Variants in SCARB2 observed in about 807,000 individuals in gnomAD.
The protein encoded by SCARB2 is scavenger receptor class B member 2.
SCARB2 carries 29 observed loss-of-function variants against 58.6 expected under a neutral mutation model. That is an observed-to-expected ratio of 0.49 (90% CI 0.37 to 0.67). The LOEUF (loss-of-function observed/expected upper bound fraction) is 0.67, where lower values mean the gene tolerates loss of function less well. Ranked by LOEUF, SCARB2 falls within the 30% of genes least tolerant of loss-of-function variation. The pLI is 0.00. For missense variants in SCARB2, 488 were observed against 578.5 expected (o/e 0.84, Z 1.60); for synonymous variants, 195 against 210.1 (o/e 0.93, Z 0.62).
intron 5 of SCARB2, 141 bp from the exon 6 acceptor site, chr4:76,176,051 T>C (rs1732245794): frequency 1.4e-5 from 15 of 1,069,320 alleles, no homozygotes; most frequent in Non-Finnish European, 2.0e-5. Context: ...CAGTTTTAAT[T>C]AGATCAAGGG....
intron 10 of SCARB2, chr4:76,163,604 T>C (rs1448878817): frequency 1.4e-5 from 8 of 590,508 alleles, no homozygotes; most frequent in African/African-American, 1.9e-5. Flanking sequence ...TAAAATAGAT[T>C]GGAAAAAGGA....
rs756823033 is a variant in SCARB2 at position 76,169,939 on chromosome 4, C to T, written c.1041G>A (p.Glu347=). The T allele has an allele frequency of 1.2e-6, 2 of 1,614,036 alleles. No homozygotes were observed. Among genetic ancestry groups the T allele is most frequent in the South Asian group, 2.2e-5 (2 of 91,078 alleles). ...MSFPHFYQAD[E]RFVSAIEGMH... is the part of the protein sequence containing the mutation. ...TGCCTTCTATGGCAGAAACAAACCT[C>T]TCATCTGCTTGGTAAAAGTGTGGGA... The change falls in exon 8 of 12, where the codon GAG becomes GAA. Residue 347 remains glutamate, a synonymous_variant. Transcript: ENST00000264896.
chr4:76,216,538 C>T (rs990561578), upstream of SCARB2, among the ~76,000 whole-genome samples: 1 of 152,214 alleles, frequency 6.6e-6, no homozygotes, highest in African/African-American at 2.4e-5. Flanking sequence ...CCCTTCTTCT[C>T]TCTTGTCTGG....
intron 10 of SCARB2, 196 bp downstream of exon 10, chr4:76,166,054 C>G (rs748820588): frequency 1.5e-6 from 1 of 657,336 alleles, no homozygotes; most frequent in Non-Finnish European, 2.7e-6. Context: ...AAATTTCTTT[C>G]CATCATTTCT....
chr4:76,174,633 C>T, intron 6 of SCARB2: 1 of 342,710 alleles, frequency 2.9e-6, no homozygotes, highest in Non-Finnish European at 5.6e-6. Context: ...CCTGCATGGA[C>T]ATATGCCAGT....
In SCARB2 at chr4:76,213,766, C is replaced by T. The variant is rs1258067016; in HGVS notation, c.-223G>A. On this transcript the variant is annotated 5_prime_UTR_variant, in exon 1 of 12. Coordinates refer to ENST00000264896, the MANE Select transcript of SCARB2 (RefSeq NM_005506.4). ...GGCCGCGGAGGGACGGGCCCGGACT[C>T]GGTTTCGGTTTCCTTCGCCGGGCAG... 3 of 434,008 alleles carry T rather than the reference C, an allele frequency of 6.9e-6. No homozygotes were observed. Among genetic ancestry groups the T allele is most frequent in the South Asian group, 3.4e-5 (1 of 29,180 alleles). The allele number at this position is 434,008 out of a possible 1,614,324, so 26.9% of individuals were successfully genotyped here. A position where few individuals can be genotyped will look rare whatever the true frequency, so the allele number is the denominator to read the frequency against.
Position 76,159,859 on chromosome 4 carries a change from C to T in SCARB2, c.*1854G>A, listed in dbSNP as rs923821250. Reference sequence around the variant, plus strand: ...TATCCTCCTCACAGATGATTATATCCTGATAATAGGACTAAACCAATAAGT... The same window carrying T: ...TATCCTCCTCACAGATGATTATATCTTGATAATAGGACTAAACCAATAAGT... On this transcript the variant is annotated 3_prime_UTR_variant, in exon 12 of 12. Transcript: ENST00000264896. 1.3e-5 allele frequency: 2 copies of T among 152,128 alleles called. No individual in the cohort carries two copies. The highest frequency in any genetic ancestry group is 6.5e-5 in the Admixed American group (1 of 15,274). The allele number at this position is 152,128 out of a possible 1,614,324, so 9.4% of individuals were successfully genotyped here.
intron 8 of SCARB2, among the ~76,000 whole-genome samples, chr4:76,169,341 C>CACACACACACACACACACACACATAT (rs3217498): frequency 1.3e-5 from 2 of 151,126 alleles, no homozygotes; most frequent in African/African-American, 4.9e-5. Flanking sequence ...CACACACACA[C>CACACACACACACACACACACACATAT]GTGTGTATGT....
At chr4:76,163,527 A>G (rs1560703420) in intron 10 of SCARB2, 144 bp from the exon 11 acceptor site, 1 of 813,168 alleles carries the variant, frequency 1.2e-6, no homozygotes, top group Non-Finnish European at 2.0e-6. Flanking sequence ...TTTATAAGTC[A>G]GAGTAATCAG....
Position 76,176,459 on chromosome 4 carries a change from T to G in SCARB2, c.682A>C (p.Ile228Leu). 6.2e-7 allele frequency: 1 copy of G among 1,611,766 alleles called. No individual in the cohort carries two copies. The highest frequency in any genetic ancestry group is 8.5e-7 in the Non-Finnish European group (1 of 1,178,544). ...GEDSYLNFTK[I>L]VEWNGKTSLD... is the part of the protein sequence containing the mutation. ...TACGTTTTCCCATTCCATTCCACAATTTTTGTAAAGTTAAGGTAACTGTCT... is the reference window on the plus strand; with the variant it reads ...TACGTTTTCCCATTCCATTCCACAAGTTTTGTAAAGTTAAGGTAACTGTCT... Residue 228 changes from isoleucine (I) to leucine (L), a missense_variant, in exon 5 of 12, where the codon ATT becomes CTT. Ile to Leu is a conservative substitution (Grantham distance 5). Transcript: ENST00000264896.
chr4:76,194,674 G>GA (rs1297129893), intron 2 of SCARB2: 1 of 152,176 alleles, frequency 6.6e-6, no homozygotes, highest in Non-Finnish European at 1.5e-5. Flanking sequence ...TTTTGAAAAA[G>GA]AAAGATCTTG....
intron 1 of SCARB2, among the ~76,000 whole-genome samples, chr4:76,206,626 T>C (rs1223881485): frequency 6.6e-6 from 1 of 151,672 alleles, no homozygotes; most frequent in South Asian, 2.1e-4. Flanking sequence ...AATAAGACAT[T>C]GCATTTGGCA....
intron 1 of SCARB2, chr4:76,213,143 G>C (rs1733096200): frequency 2.4e-6 from 1 of 425,498 alleles, no homozygotes; most frequent in Non-Finnish European, 4.4e-6. Context: ...GGTGTAGACG[G>C]AAGGAGTGGG....
At chr4:76,187,692 T>C (rs1189128105) in intron 2 of SCARB2, among the ~76,000 whole-genome samples, 1 of 152,106 alleles carries the variant, frequency 6.6e-6, no homozygotes, top group African/African-American at 2.4e-5. Flanking sequence ...CAAGAAGATA[T>C]CCACTAAAAT....
At position 76,166,304 on chromosome 4, in the gene SCARB2, A is replaced by G. The variant is rs1251392642; in HGVS notation, c.1188-3T>C. The G allele has an allele frequency of 1.2e-6, 2 of 1,614,036 alleles. No homozygotes were observed. Among genetic ancestry groups the G allele is most frequent in the Admixed American group, 3.3e-5 (2 of 60,028 alleles). ...TGGTTCTAATGTCTCCCGTTTCACT[A>G]CAAAGACAAAGGATGAGATTGTTTC... is the stretch of plus-strand genomic sequence containing the variant. On this transcript the variant is annotated splice_polypyrimidine_tract_variant and splice_region_variant and intron_variant, in intron 9 of 11. Transcript: ENST00000264896.
chr4:76,205,737 A>G (rs555061932), intron 1 of SCARB2, among the ~76,000 whole-genome samples: 6 of 152,318 alleles, frequency 3.9e-5, no homozygotes, highest in African/African-American at 1.4e-4. Context: ...TTTGCATGTC[A>G]AACCCCAGCA....
chr4:76,163,317 T>C lies in SCARB2; in HGVS notation c.1306A>G (p.Thr436Ala), dbSNP rs1289364985. 3 of 1,614,176 alleles carry C rather than the reference T, an allele frequency of 1.9e-6. No individual in the cohort carries two copies. Among genetic ancestry groups the C allele is most frequent in the South Asian group, 2.2e-5 (2 of 91,084 alleles). The change falls in exon 11 of 12, where the codon ACC (threonine) becomes GCC (alanine). Residue 436 changes from threonine (T) to alanine (A), a missense_variant. Transcript: ENST00000264896. Reference sequence around the variant, plus strand: ...GCCATGATGATGTAGGGTATGTTGGTGATGATCAAAGTAGTGTTAATCATA... The same window carrying C: ...GCCATGATGATGTAGGGTATGTTGGCGATGATCAAAGTAGTGTTAATCATA... The part of the protein sequence containing the change: ...KSMINTTLII[T>A]NIPYIIMALG...
At chr4:76,216,389 C>T (rs1733208111), upstream of SCARB2, among the ~76,000 whole-genome samples, 1 of 152,194 alleles carries the variant, frequency 6.6e-6, no homozygotes, top group Admixed American at 6.5e-5. Flanking sequence ...TGAACTTCCA[C>T]CCCCTACTCT....
At chr4:76,172,679 CTT>C (rs5859499) in intron 7 of SCARB2, 30,394 of 146,896 alleles carry the variant, frequency 0.21, 3,470 homozygotes, top group East Asian at 0.35. Context: ...ATATCTTATT[CTT>C]TTTTTTTTTT....
Sources: allele counts gnomAD v4.1 joint callset (sites outside exome capture counted in the v4.1 genomes callset), GRCh38; gene constraint gnomAD v4.1.1; transcripts MANE v1.5; gene names NCBI Gene and HGNC (gene_info 2026-07-23, HGNC 2026-07-21).